Variants in CNTNAP3B observed in about 807,000 individuals in gnomAD.
CNTNAP3B encodes contactin associated protein family member 3B, also known as contactin-associated protein-like 3B.
A neutral mutation model predicts 108.9 loss-of-function variants in CNTNAP3B; 25 were observed. The ratio of observed to expected loss-of-function variants is 0.23; its 90% confidence interval spans 0.17 to 0.32. CNTNAP3B has a LOEUF of 0.32. Ranked by LOEUF, CNTNAP3B falls within the 10% of genes least tolerant of loss-of-function variation. The pLI is 1.00. For synonymous variants in CNTNAP3B, 103 were observed against 473.4 expected, an observed-to-expected ratio of 0.22 and a Z score of 10.16; for missense variants, 252 against 1,210.4, an observed-to-expected ratio of 0.21 and a Z score of 11.75.
chr9:41,932,926 C>A (rs1209053033), intron 14 of CNTNAP3B, among the ~76,000 whole-genome samples: 1 of 152,310 alleles, frequency 6.6e-6, no homozygotes, highest in African/African-American at 2.4e-5. Flanking sequence ...TGTTTAATTG[C>A]CTATCTTCTG....
chr9:42,074,557 C>A (rs1480288401), intron 3 of CNTNAP3B, among the ~76,000 whole-genome samples: 1 of 148,634 alleles, frequency 6.7e-6, no homozygotes, highest in Non-Finnish European at 1.5e-5. Context: ...TTTCACCATG[C>A]AAATTCTGTA....
chr9:41,924,835 G>A (rs1311418034), intron 15 of CNTNAP3B, among the ~76,000 whole-genome samples: 2 of 152,282 alleles, frequency 1.3e-5, no homozygotes, highest in Non-Finnish European at 2.9e-5. Flanking sequence ...CAGTGTGTGA[G>A]TCTTTTCTTA....
chr9:42,026,953 TAAAATG>T (rs1826424228), intron 3 of CNTNAP3B, among the ~76,000 whole-genome samples: 1 of 85,560 alleles, frequency 1.2e-5, no homozygotes, highest in African/African-American at 5.4e-5. Flanking sequence ...TTTATCACAA[TAAAATG>T]ACTTTTTAAG....
chr9:42,091,968 C>CT lies in CNTNAP3B; in HGVS notation c.196+12660dup, dbSNP rs1321920854. ...AATGTAAAATTTTTAAAAAATCTGA[C>CT]TTTTTTCTGGTTTATTTTCCTTTTT... On this transcript the variant is annotated intron_variant, in intron 2 of 23. Transcript: ENST00000377561. Among the ~76,000 whole-genome samples, 4 of 120,340 alleles carry CT rather than the reference C, an allele frequency of 3.3e-5. 1 individual carries two copies. The highest frequency in any genetic ancestry group is 2.7e-4 in the South Asian group (1 of 3,684). The allele number at this position is 120,340 out of a possible 152,430, so 78.9% of individuals were successfully genotyped here. A position where few individuals can be genotyped will look rare whatever the true frequency, so the allele number is the denominator to read the frequency against.
At chr9:41,941,690 A>G (rs1178919735) in intron 13 of CNTNAP3B, among the ~76,000 whole-genome samples, 1 of 141,706 alleles carries the variant, frequency 7.1e-6, no homozygotes, top group African/African-American at 2.7e-5. Context: ...AGCTGCAGAG[A>G]CAACTGAAAA....
chr9:41,958,583 C>T (rs984141794), intron 12 of CNTNAP3B, among the ~76,000 whole-genome samples: 1 of 151,752 alleles, frequency 6.6e-6, no homozygotes, highest in Non-Finnish European at 1.5e-5. Flanking sequence ...GGAGCCTGTG[C>T]CTCTGGGCTG....
At position 42,079,582 on chromosome 9, in the gene CNTNAP3B, C is replaced by T. The variant is rs1408963915; in HGVS notation, c.197-2520G>A. On this transcript the variant is annotated intron_variant, in intron 2 of 23. Coordinates refer to ENST00000377561, the MANE Select transcript of CNTNAP3B (RefSeq NM_001201380.3). ...CTGTCACCAGCCTGGAGTGCAGTGG[C>T]GAGATCTCTGCTCACTGCAACCTCC... 6.8e-4 allele frequency among the ~76,000 whole-genome samples: 89 copies of T among 131,106 alleles called. 11 individuals carry two copies. Among genetic ancestry groups the T allele is most frequent in the African/African-American group, 2.5e-3 (82 of 32,332 alleles). 86.0% of individuals were successfully genotyped at this position (131,106 alleles called of 152,430 possible). A position where few individuals can be genotyped will look rare whatever the true frequency, so the allele number is the denominator to read the frequency against.
chr9:41,952,100 T>C (rs1317710610), intron 13 of CNTNAP3B, among the ~76,000 whole-genome samples: 1 of 152,246 alleles, frequency 6.6e-6, no homozygotes, highest in East Asian at 1.9e-4. Flanking sequence ...TCTGGCATAT[T>C]CCAGGGGCTG....
chr9:41,965,830 G>A (rs1206896683), intron 10 of CNTNAP3B, among the ~76,000 whole-genome samples: 1 of 151,178 alleles, frequency 6.6e-6, no homozygotes, highest in Non-Finnish European at 1.5e-5. Context: ...GCCTGTATTT[G>A]GCCTCGGGAG....
chr9:42,088,454 A>G (rs1827749346), intron 2 of CNTNAP3B, among the ~76,000 whole-genome samples: 1 of 139,516 alleles, frequency 7.2e-6, no homozygotes, highest in African/African-American at 2.8e-5. Context: ...ACTTCCTGTC[A>G]TAGTACTAAC....
At chr9:41,955,012 GTTACTC>G (rs1301659335) in intron 12 of CNTNAP3B, among the ~76,000 whole-genome samples, 1 of 151,214 alleles carries the variant, frequency 6.6e-6, no homozygotes, top group Non-Finnish European at 1.5e-5. Context: ...ACAACCTGGT[GTTACTC>G]TGTGCACATC....
intron 1 of CNTNAP3B, among the ~76,000 whole-genome samples, chr9:42,111,829 A>G (rs1828198290): frequency 7.2e-6 from 1 of 138,322 alleles, no homozygotes; most frequent in Non-Finnish European, 1.5e-5. Context: ...CCTCATGTTA[A>G]CGACCTAACT....
At chr9:41,943,381 C>T (rs1277483243) in intron 13 of CNTNAP3B, among the ~76,000 whole-genome samples, 19 of 124,538 alleles carry the variant, frequency 1.5e-4, no homozygotes, top group Admixed American at 1.1e-4. Context: ...GAGATGGAGT[C>T]TCTCTCTGTC....
chr9:41,950,080 C>T (rs1214133972), intron 13 of CNTNAP3B, among the ~76,000 whole-genome samples: 4 of 101,534 alleles, frequency 3.9e-5, no homozygotes, highest in African/African-American at 1.5e-4. Context: ...ACAACAAAAA[C>T]ATTCACAGAC....
chr9:41,968,957 T>C (rs1199056583), intron 10 of CNTNAP3B, among the ~76,000 whole-genome samples: 5 of 152,370 alleles, frequency 3.3e-5, no homozygotes, highest in Middle Eastern at 3.4e-3. Flanking sequence ...CCACCATGCC[T>C]GGCTAATTTT....
intron 10 of CNTNAP3B, among the ~76,000 whole-genome samples, chr9:41,966,495 C>T (rs1207363557): frequency 1.4e-4 from 22 of 152,358 alleles, no homozygotes; most frequent in African/African-American, 4.8e-4. Flanking sequence ...AGAGGGAGGG[C>T]AGGAGTGGGG....
chr9:41,924,346 G>C (rs1823749761), intron 15 of CNTNAP3B, among the ~76,000 whole-genome samples: 1 of 152,306 alleles, frequency 6.6e-6, no homozygotes, highest in South Asian at 2.1e-4. Flanking sequence ...ACCAGTCAGG[G>C]GATCGCGCAG....
At position 42,127,717 on chromosome 9, in the gene CNTNAP3B, C is replaced by G. The variant is rs565028545; in HGVS notation, c.85+1293G>C. Reference sequence around the variant, plus strand: ...AACACGGTACAGCATCTGACCAAAGCAATCCGGAGCTTGTTTTTTCGAAGG... The same window carrying G: ...AACACGGTACAGCATCTGACCAAAGGAATCCGGAGCTTGTTTTTTCGAAGG... On this transcript the variant is annotated intron_variant, in intron 1 of 23. Coordinates refer to ENST00000377561, the MANE Select transcript of CNTNAP3B (RefSeq NM_001201380.3). Among the ~76,000 whole-genome samples, 155 of 139,552 alleles carry G rather than the reference C, an allele frequency of 1.1e-3. 28 individuals are homozygous for G. Among genetic ancestry groups the G allele is most frequent in the African/African-American group, 3.8e-3 (132 of 35,158 alleles). 91.6% of individuals were successfully genotyped at this position (139,552 alleles called of 152,430 possible).
At chr9:41,920,670 A>T in intron 17 of CNTNAP3B, among the ~76,000 whole-genome samples, 1 of 152,310 alleles carries the variant, frequency 6.6e-6, no homozygotes, top group Non-Finnish European at 1.5e-5. Context: ...AAGAATGTGC[A>T]TTCATCAAAC....
Sources: gnomAD v4.1 joint callset for allele counts (sites outside exome capture counted in the v4.1 genomes callset) on GRCh38, gnomAD v4.1.1 for gene constraint, MANE v1.5 for transcripts, NCBI Gene and HGNC (gene_info 2026-07-23, HGNC 2026-07-21) for gene names.